DIAPH3: variants seen among roughly 807,000 people sequenced by gnomAD.
The protein encoded by DIAPH3 is diaphanous related formin 3, also known as protein diaphanous homolog 3.
In DIAPH3, 117 loss-of-function variants were observed where a neutral mutation model predicts 144.3. The ratio of observed to expected loss-of-function variants is 0.81; its 90% CI spans 0.70 to 0.95. The LOEUF is 0.95. Ranked by LOEUF, DIAPH3 falls within the 40% of genes least tolerant of loss-of-function variation. The pLI is 0.00. For missense variants in DIAPH3, 1,421 were observed against 1,412.7 expected (o/e 1.01, Z -0.09); for synonymous variants, 519 against 488.9 (o/e 1.06, Z -0.81).
chr13:59,794,947 T>C (rs1011617660), intron 25 of DIAPH3, among the ~76,000 whole-genome samples: 12 of 152,248 alleles, frequency 7.9e-5, no homozygotes, highest in African/African-American at 2.9e-4. Flanking sequence ...TTGTATTAAC[T>C]TGTGAATGCC....
intron 1 of DIAPH3, among the ~76,000 whole-genome samples, chr13:60,155,076 G>A (rs561258453): frequency 6.6e-6 from 1 of 152,282 alleles, no homozygotes; most frequent in African/African-American, 2.4e-5. Flanking sequence ...ATAAAGTAGA[G>A]TTAATTCAAG....
intron 1 of DIAPH3, among the ~76,000 whole-genome samples, chr13:60,158,906 T>TAA (rs71197285): frequency 0.044 from 3,392 of 76,866 alleles, 197 homozygotes; most frequent in East Asian, 0.11. Context: ...TGGCCCCTCT[T>TAA]AAAAAAAAAA....
chr13:59,774,238 C>T lies in DIAPH3; in HGVS notation c.3270G>A (p.Gln1090=), dbSNP rs369779991. The T allele has an allele frequency of 1.9e-6, 3 of 1,612,504 alleles. No individual in the cohort carries two copies. The highest frequency in any genetic ancestry group is 2.5e-6 in the Non-Finnish European group (3 of 1,179,248). The change falls in exon 27 of 28, where the codon CAG becomes CAA. Residue 1090 remains glutamine (Q), a synonymous_variant. Coordinates refer to ENST00000400324, the MANE Select transcript of DIAPH3 (RefSeq NM_001042517.2). The stretch of plus-strand genomic sequence containing the variant: ...GCCTCTGAGACATTGGACTGAGACT[C>T]TGCCGAACATCTGTTAAAAAAAAAA... ...KRTPMPKDVR[Q]SLSPMSQRPV...
intron 23 of DIAPH3, among the ~76,000 whole-genome samples, chr13:59,835,670 C>T (rs2042010452): frequency 6.6e-6 from 1 of 151,728 alleles, no homozygotes; most frequent in South Asian, 2.1e-4. Flanking sequence ...AGTGAGAAGA[C>T]TAATTCAAGA....
rs146971987 is a variant in DIAPH3 at position 59,933,622 on chromosome 13, T to C, written c.2075-8752A>G. On this transcript the variant is annotated intron_variant, in intron 17 of 27. Transcript: ENST00000400324. ...TTTGTTGCCATTAGAGTTTTGTGTT[T>C]AATCTTACTTCCTAGAGATGCTGTG... 4.0e-3 allele frequency among the ~76,000 whole-genome samples: 610 copies of C among 152,332 alleles called. 4 individuals are homozygous for C. Among genetic ancestry groups the C allele is most frequent in the African/African-American group, 0.014 (592 of 41,574 alleles).
chr13:60,134,972 G>T (rs551747594), intron 1 of DIAPH3, among the ~76,000 whole-genome samples: 1 of 152,046 alleles, frequency 6.6e-6, no homozygotes, highest in Non-Finnish European at 1.5e-5. Context: ...TTAAAATAAA[G>T]ACGACTAGGG....
intron 21 of DIAPH3, among the ~76,000 whole-genome samples, chr13:59,876,254 T>C (rs961117984): frequency 2.0e-5 from 3 of 152,148 alleles, no homozygotes; most frequent in Non-Finnish European, 2.9e-5. Flanking sequence ...TATGATGAGA[T>C]ATCATCTTGT....
chr13:59,874,917 T>C (rs570398681), intron 21 of DIAPH3, among the ~76,000 whole-genome samples: 4 of 152,290 alleles, frequency 2.6e-5, no homozygotes, highest in Middle Eastern at 3.4e-3. Context: ...GTAAACATTA[T>C]TAAACACATG....
At chr13:59,958,659 T>C (rs959188432) in intron 17 of DIAPH3, among the ~76,000 whole-genome samples, 1 of 151,832 alleles carries the variant, frequency 6.6e-6, no homozygotes, top group Admixed American at 6.6e-5. Flanking sequence ...GTAGTATATA[T>C]TGTAAACTGC....
At chr13:59,677,106 G>A (rs2032682843) in intron 27 of DIAPH3, among the ~76,000 whole-genome samples, 1 of 151,880 alleles carries the variant, frequency 6.6e-6, no homozygotes, top group Non-Finnish European at 1.5e-5. Flanking sequence ...CTAGCACAGT[G>A]CCCACCTCAT....
intron 17 of DIAPH3, among the ~76,000 whole-genome samples, chr13:59,967,245 A>T (rs1174358540): frequency 1.4e-4 from 21 of 149,604 alleles, no homozygotes; most frequent in Non-Finnish European, 2.7e-4. Context: ...TTTTTTTTTA[A>T]TTTTTTTTAG....
At chr13:59,759,539 A>C (rs368028004) in intron 27 of DIAPH3, among the ~76,000 whole-genome samples, 1 of 152,182 alleles carries the variant, frequency 6.6e-6, no homozygotes, top group Non-Finnish European at 1.5e-5. Flanking sequence ...GCAGATCAAG[A>C]CTGCTTATAT....
chr13:59,847,100 G>A (rs906835881), intron 22 of DIAPH3, among the ~76,000 whole-genome samples: 1 of 152,072 alleles, frequency 6.6e-6, no homozygotes. Context: ...AGACAAAGGA[G>A]CAATGCTAAG....
chr13:59,749,965 T>C, intron 27 of DIAPH3, among the ~76,000 whole-genome samples: 1 of 152,182 alleles, frequency 6.6e-6, no homozygotes, highest in East Asian at 1.9e-4. Context: ...ACATTAAATA[T>C]ACATGGAGTT....
chr13:60,089,473 T>C (rs1426446677), intron 4 of DIAPH3, among the ~76,000 whole-genome samples: 1 of 152,210 alleles, frequency 6.6e-6, no homozygotes, highest in African/African-American at 2.4e-5. Flanking sequence ...TTTCTAATTC[T>C]TTTTTATTTT....
chr13:60,063,988 T>TGCAC (rs1348449067), intron 4 of DIAPH3, among the ~76,000 whole-genome samples: 1 of 152,182 alleles, frequency 6.6e-6, no homozygotes. Flanking sequence ...GATGACTAAA[T>TGCAC]GCACTGTCAA....
chr13:59,865,503 T>C (rs1221605144), intron 21 of DIAPH3, among the ~76,000 whole-genome samples: 1 of 152,072 alleles, frequency 6.6e-6, no homozygotes, highest in Non-Finnish European at 1.5e-5. Flanking sequence ...AGGATTTCTT[T>C]TGTATTACTG....
At chr13:59,949,941 T>G (rs1304386320) in intron 17 of DIAPH3, among the ~76,000 whole-genome samples, 2 of 152,184 alleles carry the variant, frequency 1.3e-5, no homozygotes, top group African/African-American at 4.8e-5. Context: ...TTATAGCTAA[T>G]GTACTCCCAT....
intron 21 of DIAPH3, among the ~76,000 whole-genome samples, chr13:59,871,915 C>T (rs1411334419): frequency 6.6e-6 from 1 of 152,134 alleles, no homozygotes; most frequent in Admixed American, 6.6e-5. Context: ...TTTTTAACAT[C>T]CATAGGATCA....
Sources: gnomAD v4.1 joint callset for allele counts (sites outside exome capture counted in the v4.1 genomes callset) on GRCh38, gnomAD v4.1.1 for gene constraint, MANE v1.5 for transcripts, NCBI Gene and HGNC (gene_info 2026-07-23, HGNC 2026-07-21) for gene names.